The following NBAS variants were observed in gnomAD, a reference collection of about 807,000 sequenced individuals.
The protein encoded by NBAS is NAG/BC035112 fusion.
NBAS carries 219 observed loss-of-function variants against 302.5 expected under a neutral mutation model. The observed-to-expected ratio is 0.72, with a 90% confidence interval of 0.65 to 0.81. The LOEUF (loss-of-function observed/expected upper bound fraction) is 0.81. Among genes scored for constraint, NBAS ranks in the 30% least tolerant of loss-of-function variants. The probability of loss-of-function intolerance (pLI) is 0.00; values close to 1 mark genes in which losing one functional copy is unlikely to be tolerated. For synonymous variants in NBAS, 1,118 were observed against 1,021.6 expected (o/e 1.09, Z -1.80); for missense variants, 2,932 against 2,841.6 (o/e 1.03, Z -0.72).
At chr2:15,192,867 T>G (rs1450255789) in intron 48 of NBAS, among the ~76,000 whole-genome samples, 4 of 152,174 alleles carry the variant, frequency 2.6e-5, no homozygotes, top group African/African-American at 9.7e-5. Context: ...ACACTTTATA[T>G]GGGTTATTTT....
At chr2:15,299,007 C>T (rs1194001865) in intron 40 of NBAS, among the ~76,000 whole-genome samples, 1 of 152,196 alleles carries the variant, frequency 6.6e-6, no homozygotes, top group Admixed American at 6.5e-5. Flanking sequence ...CCCAGAATCA[C>T]TCGGAAGTCT....
intron 6 of NBAS, among the ~76,000 whole-genome samples, chr2:15,542,161 CAA>C (rs1357846546): frequency 1.2e-5 from 1 of 83,712 alleles, no homozygotes; most frequent in African/African-American, 4.4e-5. Flanking sequence ...GCCATGATGA[CAA>C]TGGCAGTTTT....
the NBAS span, among the ~76,000 whole-genome samples, chr2:14,941,925 T>G: frequency 9.2e-5 from 14 of 152,296 alleles, no homozygotes; most frequent in African/African-American, 3.4e-4. Flanking sequence ...AGTTACAATG[T>G]TCATTGCTTC....
the NBAS span, among the ~76,000 whole-genome samples, chr2:14,940,670 G>C: frequency 6.6e-6 from 1 of 152,118 alleles, no homozygotes; most frequent in African/African-American, 2.4e-5. Context: ...ACAACACAAT[G>C]CCTCCCACTA....
At chr2:14,803,047 AT>A in the NBAS span, among the ~76,000 whole-genome samples, 49 of 152,320 alleles carry the variant, frequency 3.2e-4, no homozygotes, top group African/African-American at 9.4e-4. Flanking sequence ...AATAAAAAAA[AT>A]AAAAATAAAA....
chr2:15,499,251 G>C (rs538447263), intron 11 of NBAS, among the ~76,000 whole-genome samples: 1 of 152,154 alleles, frequency 6.6e-6, no homozygotes, highest in East Asian at 1.9e-4. Flanking sequence ...ATAGCAGTGT[G>C]AGAACAGACT....
At chr2:15,535,233 C>T (rs535121425) in intron 8 of NBAS, among the ~76,000 whole-genome samples, 11 of 152,216 alleles carry the variant, frequency 7.2e-5, no homozygotes, top group Admixed American at 7.2e-4. Flanking sequence ...TATAAAATGG[C>T]ATAGTAGGCC....
At chr2:15,206,536 G>T (rs1403485448) in intron 48 of NBAS, among the ~76,000 whole-genome samples, 1 of 152,206 alleles carries the variant, frequency 6.6e-6, no homozygotes, top group Non-Finnish European at 1.5e-5. Context: ...TGTCTCCAGG[G>T]CATGTCAGAG....
rs115655642 is a variant in NBAS, at chr2:15,520,292, C to T, written c.747-8942G>A. On this transcript the variant is annotated intron_variant, in intron 9 of 51. Transcript: ENST00000281513. The stretch of plus-strand genomic sequence containing the variant: ...TGACATGTGCCTGTAGTCCCAGTTA[C>T]TCAGAAGGCTGAGGAGGGAGGATCG... 5.0e-3 allele frequency among the ~76,000 whole-genome samples: 757 copies of T among 152,214 alleles called. 9 individuals carry two copies. The highest frequency in any genetic ancestry group is 0.017 in the African/African-American group (704 of 41,526).
chr2:15,240,873 T>G (rs1309479794), intron 44 of NBAS, among the ~76,000 whole-genome samples: 2 of 152,112 alleles, frequency 1.3e-5, no homozygotes, highest in African/African-American at 4.8e-5. Context: ...TGTTAACTCC[T>G]CCCTGTGATT....
intron 40 of NBAS, among the ~76,000 whole-genome samples, chr2:15,296,977 CATTTTT>C: frequency 6.6e-6 from 1 of 152,340 alleles, no homozygotes; most frequent in African/African-American, 2.4e-5. Flanking sequence ...CTCTGTGAAT[CATTTTT>C]ATTTCATATT....
At chr2:15,273,180 C>CA (rs1191210623) in intron 44 of NBAS, among the ~76,000 whole-genome samples, 1 of 152,192 alleles carries the variant, frequency 6.6e-6, no homozygotes, top group Non-Finnish European at 1.5e-5. Context: ...AAGTCACCCT[C>CA]ACCATCCTGG....
chr2:15,215,333 T>C (rs1666605794), intron 48 of NBAS, among the ~76,000 whole-genome samples: 1 of 152,168 alleles, frequency 6.6e-6, no homozygotes, highest in Non-Finnish European at 1.5e-5. Context: ...AGAGACTCTG[T>C]GTTTAATTTT....
chr2:15,298,443 C>A (rs1022193079), intron 40 of NBAS, among the ~76,000 whole-genome samples: 1 of 152,064 alleles, frequency 6.6e-6, no homozygotes, highest in Non-Finnish European at 1.5e-5. Flanking sequence ...ACTAGTTTTT[C>A]CCTCTGAGCT....
the NBAS span, among the ~76,000 whole-genome samples, chr2:14,860,143 A>G: frequency 6.6e-6 from 1 of 152,170 alleles, no homozygotes. Flanking sequence ...ACAATGAAAT[A>G]TAAATATCTC....
At chr2:14,949,560 T>C in the NBAS span, among the ~76,000 whole-genome samples, 25 of 152,284 alleles carry the variant, frequency 1.6e-4, no homozygotes, top group African/African-American at 5.5e-4. Flanking sequence ...TGCCCTACCA[T>C]GTTTATTGCA....
the NBAS span, among the ~76,000 whole-genome samples, chr2:14,835,056 G>C: frequency 6.6e-6 from 1 of 152,054 alleles, no homozygotes; most frequent in South Asian, 2.1e-4. Flanking sequence ...AACGTGGTGA[G>C]CAAGAAAGAA....
chr2:15,092,720 A>G, the NBAS span, among the ~76,000 whole-genome samples: 7 of 152,236 alleles, frequency 4.6e-5, no homozygotes, highest in Admixed American at 4.6e-4. Flanking sequence ...AGTCCGAACT[A>G]AAAACATAAT....
At chr2:14,983,792 A>T in the NBAS span, among the ~76,000 whole-genome samples, 1 of 152,186 alleles carries the variant, frequency 6.6e-6, no homozygotes, top group Non-Finnish European at 1.5e-5. Flanking sequence ...AGGAACATTA[A>T]ACATACAAAT....
Sources: gnomAD v4.1 joint callset for allele counts (sites outside exome capture counted in the v4.1 genomes callset) on GRCh38, gnomAD v4.1.1 for gene constraint, MANE v1.5 for transcripts, NCBI Gene and HGNC (gene_info 2026-07-23, HGNC 2026-07-21) for gene names.